MYRIP: variants seen among roughly 807,000 people sequenced by gnomAD.
MYRIP encodes myosin VIIA and Rab interacting protein.
MYRIP carries 49 observed loss-of-function variants against 98.0 expected under a neutral mutation model. The observed-to-expected ratio is 0.50, with a 90% CI of 0.40 to 0.63. MYRIP has a LOEUF of 0.63. Ranked by LOEUF, MYRIP falls within the 30% of genes least tolerant of loss-of-function variation. MYRIP has a pLI of 0.00. For missense variants in MYRIP, 1,004 were observed against 1,058.2 expected (o/e 0.95, Z 0.71); for synonymous variants, 404 against 409.5 (o/e 0.99, Z 0.16).
chr3:39,959,712 A>G (rs1014534610), intron 2 of MYRIP, among the ~76,000 whole-genome samples: 1 of 152,128 alleles, frequency 6.6e-6, no homozygotes, highest in Non-Finnish European at 1.5e-5. Flanking sequence ...CTTAGTTTAT[A>G]ATTAAAAGCA....
chr3:40,011,721 A>G (rs925931201), intron 2 of MYRIP, among the ~76,000 whole-genome samples: 1 of 152,194 alleles, frequency 6.6e-6, no homozygotes, highest in Non-Finnish European at 1.5e-5. Flanking sequence ...TTAGAATAGG[A>G]AAGTAAAGTT....
At chr3:39,994,565 C>T (rs2125775684) in intron 2 of MYRIP, among the ~76,000 whole-genome samples, 1 of 152,338 alleles carries the variant, frequency 6.6e-6, no homozygotes, top group South Asian at 2.1e-4. Context: ...TGGAGCCCAC[C>T]ACAGCTCAAG....
chr3:40,200,844 T>G (rs1248112198), intron 10 of MYRIP, among the ~76,000 whole-genome samples: 1 of 152,164 alleles, frequency 6.6e-6, no homozygotes, highest in Non-Finnish European at 1.5e-5. Flanking sequence ...TGACCCTGAC[T>G]CTCACACTGG....
chr3:40,134,990 A>AG (rs1470267107), intron 3 of MYRIP, among the ~76,000 whole-genome samples: 11 of 152,364 alleles, frequency 7.2e-5, no homozygotes, highest in African/African-American at 2.4e-4. Flanking sequence ...CCTCCTCCAA[A>AG]GGAACGCAGC....
chr3:39,955,576 T>A (rs1007488446), intron 2 of MYRIP, among the ~76,000 whole-genome samples: 2 of 151,900 alleles, frequency 1.3e-5, no homozygotes, highest in Non-Finnish European at 1.5e-5. Context: ...CAAAAACATG[T>A]CAAATTATAA....
chr3:39,977,749 T>C (rs1945792190), intron 2 of MYRIP, among the ~76,000 whole-genome samples: 1 of 152,196 alleles, frequency 6.6e-6, no homozygotes, highest in Non-Finnish European at 1.5e-5. Context: ...TCTTCTATCC[T>C]ATGTACCTTC....
intron 1 of MYRIP, among the ~76,000 whole-genome samples, chr3:39,822,526 C>T (rs1941133977): frequency 6.6e-6 from 1 of 152,058 alleles, no homozygotes; most frequent in African/African-American, 2.4e-5. Context: ...TGGCCCAAGA[C>T]AATTCTTCTT....
chr3:40,127,056 C>A (rs531255461), intron 3 of MYRIP, among the ~76,000 whole-genome samples: 1 of 152,166 alleles, frequency 6.6e-6, no homozygotes, highest in Non-Finnish European at 1.5e-5. Flanking sequence ...AATGGGTAAA[C>A]CAAGGTCCTC....
chr3:39,951,947 A>G (rs1027624473), intron 2 of MYRIP, among the ~76,000 whole-genome samples: 1 of 152,178 alleles, frequency 6.6e-6, no homozygotes, highest in African/African-American at 2.4e-5. Flanking sequence ...TTAACTGTAC[A>G]ATTTAATGAT....
intron 2 of MYRIP, among the ~76,000 whole-genome samples, chr3:39,946,806 A>G (rs536201451): frequency 6.6e-6 from 1 of 152,260 alleles, no homozygotes; most frequent in African/African-American, 2.4e-5. Context: ...ATGGAAACTG[A>G]GGGATAGTCA....
intron 3 of MYRIP, among the ~76,000 whole-genome samples, chr3:40,096,677 A>G (rs1457496163): frequency 2.6e-5 from 4 of 152,226 alleles, no homozygotes; most frequent in Non-Finnish European, 4.4e-5. Flanking sequence ...GGGAGCTGCT[A>G]TGAGAGCAGC....
chr3:40,021,278 T>C (rs1458273597), intron 2 of MYRIP, among the ~76,000 whole-genome samples: 1 of 151,776 alleles, frequency 6.6e-6, no homozygotes, highest in African/African-American at 2.4e-5. Flanking sequence ...GGATCAGCTG[T>C]AGATAGACAT....
At chr3:39,900,092 A>C (rs1943708884) in intron 1 of MYRIP, among the ~76,000 whole-genome samples, 1 of 152,320 alleles carries the variant, frequency 6.6e-6, no homozygotes, top group African/African-American at 2.4e-5. Context: ...AAGTGCCGGG[A>C]TTACAGGCTT....
At chr3:39,998,354 C>G (rs140740902) in intron 2 of MYRIP, among the ~76,000 whole-genome samples, 73,881 of 152,046 alleles carry the variant, frequency 0.49, 19,123 homozygotes, top group African/African-American at 0.69. Context: ...CAAAATCAAT[C>G]TGCAAAAATC....
chr3:40,192,508 G>C (rs1951264574), intron 10 of MYRIP, among the ~76,000 whole-genome samples: 1 of 151,626 alleles, frequency 6.6e-6, no homozygotes, highest in African/African-American at 2.4e-5. Context: ...CATTTGGTGT[G>C]AATCCATGCA....
intron 11 of MYRIP, among the ~76,000 whole-genome samples, chr3:40,211,647 A>G (rs1951930717): frequency 6.6e-6 from 1 of 152,198 alleles, no homozygotes; most frequent in African/African-American, 2.4e-5. Flanking sequence ...TGGAGCTTAG[A>G]GCCAGATGGT....
chr3:40,192,159 G>A (rs1317905431), intron 10 of MYRIP, among the ~76,000 whole-genome samples: 1 of 149,068 alleles, frequency 6.7e-6, no homozygotes, highest in African/African-American at 2.5e-5. Context: ...GTCTCACTGT[G>A]TTGCCCAGGC....
At chr3:40,076,713 G>A (rs939863687) in intron 3 of MYRIP, among the ~76,000 whole-genome samples, 1 of 152,124 alleles carries the variant, frequency 6.6e-6, no homozygotes, top group African/African-American at 2.4e-5. Flanking sequence ...AGCTCAAAGG[G>A]GGACTGGCAG....
At chr3:40,040,983 AAAAAAAAAAAG>A (rs1262193846) in intron 2 of MYRIP, among the ~76,000 whole-genome samples, 1,220 of 94,914 alleles carry the variant, frequency 0.013, 21 homozygotes, top group African/African-American at 0.042. Context: ...GAGTATAATA[AAAAAAAAAAAG>A]AAAAAAAAAA....
Sources: allele counts gnomAD v4.1 joint callset (sites outside exome capture counted in the v4.1 genomes callset), GRCh38; gene constraint gnomAD v4.1.1; transcripts MANE v1.5; gene names NCBI Gene and HGNC (gene_info 2026-07-23, HGNC 2026-07-21).